Variants in KCNMA1 observed in about 807,000 individuals in gnomAD.
KCNMA1 encodes the protein potassium calcium-activated channel subfamily M alpha 1.
Under a neutral mutation model 140.0 loss-of-function variants are expected in KCNMA1, and 29 were observed. The observed-to-expected ratio is 0.21, with a 90% CI of 0.15 to 0.28. The LOEUF (loss-of-function observed/expected upper bound fraction) is 0.28, where lower values mean the gene tolerates loss of function less well. Ranked by LOEUF, KCNMA1 falls within the 10% of genes least tolerant of loss-of-function variation. KCNMA1 has a pLI of 1.00. For missense variants in KCNMA1, 880 were observed against 1,602.2 expected, an observed-to-expected ratio of 0.55 and a Z score of 7.70; for synonymous variants, 612 against 611.9, an observed-to-expected ratio of 1.00 and a Z score of 0.00.
At chr10:77,302,647 G>T (rs1395370724) in intron 2 of KCNMA1, among the ~76,000 whole-genome samples, 1 of 152,180 alleles carries the variant, frequency 6.6e-6, no homozygotes, top group South Asian at 2.1e-4. Context: ...TCAGCAGAGA[G>T]GGGACGTGAG....
At chr10:77,224,011 C>G (rs1304738794) in intron 3 of KCNMA1, among the ~76,000 whole-genome samples, 2 of 152,198 alleles carry the variant, frequency 1.3e-5, no homozygotes, top group East Asian at 3.9e-4. Context: ...TGCCATCTGC[C>G]CCCTGCTGAA....
intron 2 of KCNMA1, among the ~76,000 whole-genome samples, chr10:77,338,253 A>G (rs1055197973): frequency 2.0e-5 from 3 of 152,158 alleles, no homozygotes; most frequent in Non-Finnish European, 4.4e-5. Context: ...GAAGCCTCTG[A>G]GTGAGGAGCC....
chr10:77,486,510 A>C (rs2098462328), intron 1 of KCNMA1, among the ~76,000 whole-genome samples: 1 of 152,262 alleles, frequency 6.6e-6, no homozygotes, highest in Non-Finnish European at 1.5e-5. Flanking sequence ...GGCTGAGAGC[A>C]CAAGCTCTAT....
chr10:77,616,725 G>A (rs1011050617), intron 1 of KCNMA1, among the ~76,000 whole-genome samples: 4 of 151,652 alleles, frequency 2.6e-5, no homozygotes, highest in African/African-American at 9.7e-5. Flanking sequence ...AGAATCACTT[G>A]AACCTGATAG....
At chr10:77,210,080 T>G (rs926300629) in intron 3 of KCNMA1, among the ~76,000 whole-genome samples, 2 of 152,154 alleles carry the variant, frequency 1.3e-5, no homozygotes, top group African/African-American at 4.8e-5. Flanking sequence ...AGCATCATCT[T>G]TATACCAGAA....
At chr10:77,517,626 C>T (rs1271859005) in intron 1 of KCNMA1, among the ~76,000 whole-genome samples, 4 of 152,162 alleles carry the variant, frequency 2.6e-5, no homozygotes, top group Admixed American at 2.0e-4. Flanking sequence ...GACAAGGACA[C>T]AGACACTGAA....
chr10:77,152,185 T>G (rs1402822736), intron 5 of KCNMA1, among the ~76,000 whole-genome samples: 1 of 152,108 alleles, frequency 6.6e-6, no homozygotes, highest in African/African-American at 2.4e-5. Context: ...TAAATAAATG[T>G]GTTGTGAAAT....
At chr10:76,905,071 A>G (rs1220355992) in intron 25 of KCNMA1, 2 of 152,240 alleles carry the variant, frequency 1.3e-5, no homozygotes, top group Non-Finnish European at 2.9e-5. Context: ...CCGATTTTAT[A>G]TAAAATCTTA....
At chr10:76,871,527 C>A (rs2031338672) in exon 28 of KCNMA1, 2 of 152,184 alleles carry the variant, frequency 1.3e-5, no homozygotes, top group Admixed American at 1.3e-4. Flanking sequence ...TTATTGAACA[C>A]CTGTTTTGTG....
intron 1 of KCNMA1, among the ~76,000 whole-genome samples, chr10:77,623,483 A>C (rs1327656217): frequency 6.6e-6 from 1 of 151,930 alleles, no homozygotes; most frequent in Non-Finnish European, 1.5e-5. Flanking sequence ...AGTACTTGAG[A>C]TCAGGAGTTC....
intron 5 of KCNMA1, among the ~76,000 whole-genome samples, chr10:77,175,813 G>A (rs978537867): frequency 1.3e-5 from 2 of 152,308 alleles, no homozygotes; most frequent in East Asian, 3.9e-4. Flanking sequence ...TGGAGCTGGG[G>A]CAGGAAGTAC....
intron 1 of KCNMA1, among the ~76,000 whole-genome samples, chr10:77,501,909 G>T (rs1158472245): frequency 6.6e-6 from 1 of 152,194 alleles, no homozygotes; most frequent in Non-Finnish European, 1.5e-5. Flanking sequence ...TAAAGATGCA[G>T]TTCAAATTTG....
At chr10:77,634,116 C>A (rs2093490131) in intron 1 of KCNMA1, 1 of 982,150 alleles carries the variant, frequency 1.0e-6, no homozygotes, top group African/African-American at 1.7e-5. Context: ...TAAATAACTT[C>A]TTCAAAGTCA....
At chr10:77,262,322 A>G (rs1600428790) in intron 2 of KCNMA1, among the ~76,000 whole-genome samples, 1 of 152,190 alleles carries the variant, frequency 6.6e-6, no homozygotes, top group Admixed American at 6.5e-5. Flanking sequence ...AAGGACAAAT[A>G]TTGTGTGAAT....
chr10:77,353,970 T>G (rs1222616888), intron 2 of KCNMA1, among the ~76,000 whole-genome samples: 5 of 92,938 alleles, frequency 5.4e-5, no homozygotes, highest in East Asian at 6.8e-4. Context: ...CCTCTTTTTT[T>G]GGGGGGGGGG....
intron 20 of KCNMA1, among the ~76,000 whole-genome samples, chr10:76,961,701 C>T (rs751841367): frequency 5.9e-5 from 9 of 152,134 alleles, no homozygotes; most frequent in Admixed American, 3.3e-4. Flanking sequence ...TACCACCCCC[C>T]GATCAGACAG....
chr10:77,408,719 A>G (rs2096551826), intron 1 of KCNMA1, among the ~76,000 whole-genome samples: 1 of 152,200 alleles, frequency 6.6e-6, no homozygotes, highest in African/African-American at 2.4e-5. Flanking sequence ...AGGTGAGGCC[A>G]TCGCGTGGGG....
intron 3 of KCNMA1, among the ~76,000 whole-genome samples, chr10:77,242,007 T>C (rs2057386755): frequency 6.6e-6 from 1 of 152,124 alleles, no homozygotes; most frequent in South Asian, 2.1e-4. Flanking sequence ...CCAACAACCA[T>C]GCCCACACTG....
At chr10:77,407,727 G>A (rs775548756) in intron 1 of KCNMA1, among the ~76,000 whole-genome samples, 11 of 152,114 alleles carry the variant, frequency 7.2e-5, no homozygotes, top group East Asian at 3.9e-4. Flanking sequence ...CAAACATGCC[G>A]CCTCATTAAG....
Sources: gnomAD v4.1 joint callset for allele counts (sites outside exome capture counted in the v4.1 genomes callset) on GRCh38, gnomAD v4.1.1 for gene constraint, MANE v1.5 for transcripts, NCBI Gene and HGNC (gene_info 2026-07-23, HGNC 2026-07-21) for gene names.